Variants in CFAP20DC observed in about 807,000 individuals in gnomAD.
CFAP20DC encodes the protein CFAP20 domain containing.
In CFAP20DC, 84 loss-of-function variants were observed where a neutral mutation model predicts 101.7. That is an observed-to-expected ratio of 0.83 (90% CI 0.69 to 0.99). The LOEUF is 0.99. Ranked by LOEUF, CFAP20DC falls within the 50% of genes least tolerant of loss-of-function variation. The pLI is 0.00. For synonymous variants in CFAP20DC, 359 were observed against 351.2 expected, an observed-to-expected ratio of 1.02 and a Z score of -0.25; for missense variants, 1,007 against 970.3, an observed-to-expected ratio of 1.04 and a Z score of -0.50.
rs1376974616 is a variant in CFAP20DC at position 58,793,897 on chromosome 3, C to A, written c.2237+12498G>T. On this transcript the variant is annotated intron_variant, in intron 15 of 16. Transcript: ENST00000482387. ...ATGGTTCCACTGCTTTAAAATTGTT[C>A]ACTACTAATTCAACAGAAAATATTT... Among the ~76,000 whole-genome samples, 5 of 152,290 alleles carry A rather than the reference C, an allele frequency of 3.3e-5. No individual in the cohort carries two copies. In the South Asian group the frequency reaches 6.2e-4, roughly 19 times the overall value.
intron 15 of CFAP20DC, among the ~76,000 whole-genome samples, chr3:58,762,028 A>G (rs2069661910): frequency 6.6e-6 from 1 of 152,112 alleles, no homozygotes. Flanking sequence ...TTTGGGGTGG[A>G]GAGTTCTGTA....
chr3:58,754,586 A>T (rs1427062456), intron 15 of CFAP20DC, among the ~76,000 whole-genome samples: 7 of 152,114 alleles, frequency 4.6e-5, no homozygotes, highest in Non-Finnish European at 8.8e-5. Flanking sequence ...GATGTAAAAG[A>T]TTTTCCAATG....
chr3:59,004,020 T>C (rs958611739), intron 4 of CFAP20DC, among the ~76,000 whole-genome samples: 2 of 152,174 alleles, frequency 1.3e-5, no homozygotes, highest in African/African-American at 4.8e-5. Context: ...ATAAATGTCT[T>C]GATATAGTTA....
In CFAP20DC at chr3:58,863,369, T is replaced by C; in HGVS notation, c.1593+189A>G. 1 of 1,404,710 alleles carries C rather than the reference T, an allele frequency of 7.1e-7. No homozygotes were observed. The highest frequency in any genetic ancestry group is 9.2e-7 in the Non-Finnish European group (1 of 1,084,984). 87.0% of individuals were successfully genotyped at this position (1,404,710 alleles called of 1,614,324 possible). A position where few individuals can be genotyped will look rare whatever the true frequency, so the allele number is the denominator to read the frequency against. ...AAAAGTGAAATTGGCTGACTGTTAATTAAAAAAAAAAAAAGACAGTTTAAA... is the reference window on the plus strand; with the variant it reads ...AAAAGTGAAATTGGCTGACTGTTAACTAAAAAAAAAAAAAGACAGTTTAAA... On this transcript the variant is annotated intron_variant, in intron 12 of 16. Transcript: ENST00000482387. This position sits in a 1 kb window ranked among gnomAD's most constrained non-coding sequence, Gnocchi z 5.9.
At chr3:59,019,781 T>C (rs1346450697) in intron 4 of CFAP20DC, among the ~76,000 whole-genome samples, 1 of 152,112 alleles carries the variant, frequency 6.6e-6, no homozygotes, top group Non-Finnish European at 1.5e-5. Flanking sequence ...TAAGGGATTC[T>C]TGATTCTCAA....
chr3:58,979,631 C>T (rs2092436328), intron 4 of CFAP20DC, among the ~76,000 whole-genome samples: 2 of 152,122 alleles, frequency 1.3e-5, no homozygotes, highest in South Asian at 4.1e-4. Flanking sequence ...TTGATCCTAC[C>T]TTAAGCAACA....
chr3:58,736,208 C>T (rs770746073), intron 3 of CFAP20DC, among the ~76,000 whole-genome samples: 4 of 152,066 alleles, frequency 2.6e-5, no homozygotes, highest in Non-Finnish European at 4.4e-5. Context: ...CAAGAAGATG[C>T]TAGTAATATC....
At chr3:59,013,178 C>T (rs1239163611) in intron 4 of CFAP20DC, among the ~76,000 whole-genome samples, 2 of 152,122 alleles carry the variant, frequency 1.3e-5, no homozygotes, top group Non-Finnish European at 2.9e-5. Context: ...GTTACATGAC[C>T]ACGGCTAGCT....
chr3:58,952,745 G>C (rs2090261337), intron 4 of CFAP20DC, among the ~76,000 whole-genome samples: 1 of 152,068 alleles, frequency 6.6e-6, no homozygotes, highest in Non-Finnish European at 1.5e-5. Context: ...TAGCCTGTAA[G>C]CACCCCAGGG....
intron 6 of CFAP20DC, among the ~76,000 whole-genome samples, chr3:58,906,694 C>A (rs2107252622): frequency 6.6e-6 from 1 of 152,184 alleles, no homozygotes; most frequent in South Asian, 2.1e-4. Flanking sequence ...CTTTGGGAGG[C>A]CAAGGTGGGA....
intron 4 of CFAP20DC, among the ~76,000 whole-genome samples, chr3:59,024,267 G>A (rs1046557442): frequency 2.6e-5 from 4 of 152,120 alleles, no homozygotes; most frequent in African/African-American, 9.7e-5. Context: ...TACTACCATG[G>A]CAGGTACTAT....
Position 59,001,252 on chromosome 3 carries a change from G to C in CFAP20DC, c.278+38305C>G, listed in dbSNP as rs767354867. ...TATACTTTATCCTTGAAGATTCTTT[G>C]ATACTACTATAAAAATACAAGGCCT... On this transcript the variant is annotated intron_variant, in intron 4 of 16. Transcript: ENST00000482387. This position sits in a 1 kb window ranked among gnomAD's most constrained non-coding sequence, Gnocchi z 4.5. Among the ~76,000 whole-genome samples the C allele has an allele frequency of 6.6e-6, 1 of 152,094 alleles. No individual in the cohort carries two copies. The highest frequency in any genetic ancestry group is 1.5e-5 in the Non-Finnish European group (1 of 68,012).
At chr3:58,884,758 C>A in intron 6 of CFAP20DC, 49 bp from the exon 7 acceptor site, 2 of 1,409,112 alleles carry the variant, frequency 1.4e-6, no homozygotes, top group South Asian at 1.2e-5. Context: ...CCATTTCTGC[C>A]AAATGGACCT....
At chr3:59,018,078 G>T (rs1040917179) in intron 4 of CFAP20DC, 3 of 152,060 alleles carry the variant, frequency 2.0e-5, no homozygotes, top group Non-Finnish European at 4.4e-5. Flanking sequence ...CACTCCAGGG[G>T]CTAGAGTGTG....
rs981290015 is a variant in CFAP20DC, at chr3:58,964,556, G to T, written c.279-26794C>A. Among the ~76,000 whole-genome samples, 4 of 152,170 alleles carry T rather than the reference G, an allele frequency of 2.6e-5. No homozygotes were observed. Among genetic ancestry groups the T allele is most frequent in the African/African-American group, 9.7e-5 (4 of 41,446 alleles). ...TAAGCTGGAAACAATGCTCTCGCCT[G>T]TGGCTTGTAATCCCCTTTTTAAGAA... On this transcript the variant is annotated intron_variant, in intron 4 of 16. Coordinates refer to ENST00000482387, the MANE Select transcript of CFAP20DC (RefSeq NM_001394063.1). The surrounding 1 kb of genome is among the most constrained non-coding windows in gnomAD (Gnocchi z 4.1).
intron 6 of CFAP20DC, among the ~76,000 whole-genome samples, chr3:58,905,588 T>C (rs965294870): frequency 6.6e-6 from 1 of 152,190 alleles, no homozygotes; most frequent in African/African-American, 2.4e-5. Flanking sequence ...AAAGAGAGAA[T>C]AGAGAGGAAT....
chr3:59,020,380 T>C (rs1300106708), intron 4 of CFAP20DC, among the ~76,000 whole-genome samples: 1 of 152,074 alleles, frequency 6.6e-6, no homozygotes, highest in Non-Finnish European at 1.5e-5. Context: ...GTATTACCAA[T>C]GCACAAGAGA....
intron 14 of CFAP20DC, among the ~76,000 whole-genome samples, chr3:58,821,665 G>A (rs1166924321): frequency 6.6e-6 from 1 of 151,222 alleles, no homozygotes; most frequent in Non-Finnish European, 1.5e-5. Context: ...GAGAGGATGT[G>A]GAGAAATAGG....
chr3:58,931,496 CT>C (rs1559844478), intron 5 of CFAP20DC, among the ~76,000 whole-genome samples: 2 of 151,314 alleles, frequency 1.3e-5, no homozygotes, highest in African/African-American at 4.8e-5. Flanking sequence ...CCCCTGACCC[CT>C]GAGCAGCCTA....
Sources: allele counts gnomAD v4.1 joint callset (sites outside exome capture counted in the v4.1 genomes callset), GRCh38; gene constraint gnomAD v4.1.1; non-coding constraint Gnocchi (gnomAD v3.1); transcripts MANE v1.5; gene names NCBI Gene and HGNC (gene_info 2026-07-23, HGNC 2026-07-21).